FSIP1: variants seen among roughly 807,000 people sequenced by gnomAD.
FSIP1 encodes the protein fibrous sheath-interacting protein 1.
FSIP1 carries 65 observed loss-of-function variants against 60.9 expected under a neutral mutation model. That is an observed-to-expected ratio of 1.07 (90% CI 0.87 to 1.31). The LOEUF (loss-of-function observed/expected upper bound fraction) is 1.31, where lower values mean the gene tolerates loss of function less well. FSIP1 is among the 40% of genes most tolerant of loss of function. FSIP1 has a pLI of 0.00. For missense variants in FSIP1, 675 were observed against 665.5 expected, an observed-to-expected ratio of 1.01 and a Z score of -0.16; for synonymous variants, 209 against 221.2, an observed-to-expected ratio of 0.94 and a Z score of 0.49.
rs369107496 is a variant in FSIP1 at position 39,631,413 on chromosome 15, C to G, written c.1189-13168G>C. On this transcript the variant is annotated intron_variant, in intron 10 of 11. Coordinates refer to ENST00000350221, the MANE Select transcript of FSIP1 (RefSeq NM_152597.5). ...TAGCAATGCTTTAACTCCTGGAGAG[C>G]TCCCCAATGTGAGAAACCTCAGATC... Among the ~76,000 whole-genome samples, 5 of 152,330 alleles carry G rather than the reference C, an allele frequency of 3.3e-5. 1 individual carries two copies. Among genetic ancestry groups the G allele is most frequent in the Admixed American group, 6.5e-5 (1 of 15,302 alleles).
chr15:39,637,332 AT>A (rs1475054248), intron 10 of FSIP1, among the ~76,000 whole-genome samples: 1 of 152,220 alleles, frequency 6.6e-6, no homozygotes. Context: ...GATGGTGGAT[AT>A]TCCCACATAA....
chr15:39,645,020 C>G (rs1892534178), intron 10 of FSIP1, among the ~76,000 whole-genome samples: 1 of 152,114 alleles, frequency 6.6e-6, no homozygotes, highest in Non-Finnish European at 1.5e-5. Flanking sequence ...CAATGGCCAA[C>G]AGCTATGTGA....
At chr15:39,701,074 C>T (rs1053574232) in intron 10 of FSIP1, among the ~76,000 whole-genome samples, 8 of 152,142 alleles carry the variant, frequency 5.3e-5, no homozygotes, top group Non-Finnish European at 8.8e-5. Context: ...ATCACTTGAG[C>T]CCAAGGGGCA....
chr15:39,671,947 C>G (rs4641712), intron 10 of FSIP1, among the ~76,000 whole-genome samples: 3,095 of 152,264 alleles, frequency 0.02, 86 homozygotes, highest in African/African-American at 0.071. Context: ...CCAAAGAGCA[C>G]AGAGAATCCA....
chr15:39,737,049 G>A (rs1896637302), intron 8 of FSIP1, among the ~76,000 whole-genome samples: 2 of 152,136 alleles, frequency 1.3e-5, no homozygotes, highest in Admixed American at 1.3e-4. Context: ...TGGGCAGGGG[G>A]CCAGCAGCAT....
chr15:39,600,318 T>A lies in FSIP1; in HGVS notation c.*562A>T, dbSNP rs868030202. 6.6e-6 allele frequency: 1 copy of A among 152,214 alleles called. No homozygotes were observed. The highest frequency in any genetic ancestry group is 1.5e-5 in the Non-Finnish European group (1 of 68,046). The allele number at this position is 152,214 out of a possible 1,614,324, so 9.4% of individuals were successfully genotyped here. A position where few individuals can be genotyped will look rare whatever the true frequency, so the allele number is the denominator to read the frequency against. On this transcript the variant is annotated 3_prime_UTR_variant, in exon 12 of 12. Coordinates refer to ENST00000350221, the MANE Select transcript of FSIP1 (RefSeq NM_152597.5). ...GTTAACTATTATTAACAAAGTAATA[T>A]ATCAAATAATTCACTCAAACTCCTA...
At chr15:39,737,554 G>A (rs1324191245) in intron 8 of FSIP1, among the ~76,000 whole-genome samples, 1 of 152,116 alleles carries the variant, frequency 6.6e-6, no homozygotes, top group Non-Finnish European at 1.5e-5. Context: ...TAACCAATGT[G>A]TAAACACTGC....
In FSIP1 at chr15:39,741,725, T is replaced by G. The variant is rs368692527; in HGVS notation, c.655+80A>C. The G allele has an allele frequency of 8.9e-5, 65 of 728,720 alleles. No homozygotes were observed. The East Asian group carries it at 1.2e-3, about 14-fold the overall frequency. The allele number at this position is 728,720 out of a possible 1,614,324, so 45.1% of individuals were successfully genotyped here. A position where few individuals can be genotyped will look rare whatever the true frequency, so the allele number is the denominator to read the frequency against. ...TACCTTTGGATTAAATTACATGAAC[T>G]TATTTCATTTATGAATATTTCTGTA... On this transcript the variant is annotated intron_variant, in intron 6 of 11. Transcript: ENST00000350221.
intron 10 of FSIP1, among the ~76,000 whole-genome samples, chr15:39,622,499 G>A (rs1459618452): frequency 2.0e-5 from 3 of 152,118 alleles, no homozygotes; most frequent in Non-Finnish European, 4.4e-5. Flanking sequence ...GCTGCATCTT[G>A]CATCTGGTTG....
chr15:39,636,653 T>A (rs1892151895), intron 10 of FSIP1, among the ~76,000 whole-genome samples: 1 of 152,140 alleles, frequency 6.6e-6, no homozygotes, highest in African/African-American at 2.4e-5. Flanking sequence ...CCTGTTCTAG[T>A]TCCCAGAGTC....
At chr15:39,686,131 C>A (rs1182962495) in intron 10 of FSIP1, among the ~76,000 whole-genome samples, 1 of 152,156 alleles carries the variant, frequency 6.6e-6, no homozygotes, top group Non-Finnish European at 1.5e-5. Flanking sequence ...ACCGAATTCA[C>A]CACCTATAAG....
chr15:39,642,528 T>G (rs557440726), intron 10 of FSIP1, among the ~76,000 whole-genome samples: 2 of 152,232 alleles, frequency 1.3e-5, no homozygotes, highest in African/African-American at 2.4e-5. Context: ...GAATAAAGAA[T>G]GCTGCATGGG....
intron 5 of FSIP1, among the ~76,000 whole-genome samples, chr15:39,752,118 C>T (rs1897181962): frequency 6.6e-6 from 1 of 151,908 alleles, no homozygotes; most frequent in Non-Finnish European, 1.5e-5. Context: ...TAATGAGGTT[C>T]CCATTGTCAA....
chr15:39,753,821 A>G (rs1453564498), intron 5 of FSIP1, among the ~76,000 whole-genome samples: 1 of 152,064 alleles, frequency 6.6e-6, no homozygotes, highest in Non-Finnish European at 1.5e-5. Context: ...AGTTAAATGT[A>G]CAAATAGAAA....
At chr15:39,713,378 G>A (rs893195044) in intron 10 of FSIP1, 66 bp downstream of exon 10, 4 of 1,450,358 alleles carry the variant, frequency 2.8e-6, no homozygotes, top group East Asian at 2.4e-5. Flanking sequence ...ACCAGCCTGG[G>A]CAACATAGTG....
chr15:39,737,838 C>T (rs1383138116), intron 8 of FSIP1, among the ~76,000 whole-genome samples: 1 of 152,110 alleles, frequency 6.6e-6, no homozygotes, highest in Non-Finnish European at 1.5e-5. Context: ...CTCTACTCTC[C>T]AGCAGGCCCC....
At chr15:39,708,935 C>G (rs1895386108) in intron 10 of FSIP1, among the ~76,000 whole-genome samples, 1 of 152,174 alleles carries the variant, frequency 6.6e-6, no homozygotes. Context: ...AACCTCATTC[C>G]ATTGTGTCTA....
chr15:39,773,569 G>C (rs1595407215), intron 2 of FSIP1, among the ~76,000 whole-genome samples: 1 of 152,152 alleles, frequency 6.6e-6, no homozygotes, highest in East Asian at 1.9e-4. Context: ...TGAAGTTGCT[G>C]CTTAAAAAAA....
intron 4 of FSIP1, among the ~76,000 whole-genome samples, chr15:39,765,192 G>A (rs1447468079): frequency 6.7e-6 from 1 of 149,866 alleles, no homozygotes; most frequent in East Asian, 2.0e-4. Flanking sequence ...GCAGGCCACA[G>A]TAACACCATG....
Sources: gnomAD v4.1 joint callset for allele counts (sites outside exome capture counted in the v4.1 genomes callset) on GRCh38, gnomAD v4.1.1 for gene constraint, MANE v1.5 for transcripts, NCBI Gene and HGNC (gene_info 2026-07-23, HGNC 2026-07-21) for gene names.